The following ANLN variants were observed in gnomAD, a reference collection of about 807,000 sequenced individuals.
ANLN encodes the protein anillin.
Under a neutral mutation model 135.1 loss-of-function variants are expected in ANLN, and 59 were observed. That is an observed-to-expected ratio of 0.44 (90% CI 0.35 to 0.54). The LOEUF (loss-of-function observed/expected upper bound fraction) is 0.54, where lower values mean the gene tolerates loss of function less well. Among genes scored for constraint, ANLN ranks in the 20% least tolerant of loss-of-function variants. The pLI is 0.00. For synonymous variants in ANLN, 406 were observed against 456.4 expected (o/e 0.89, Z 1.41); for missense variants, 1,182 against 1,340.0 (o/e 0.88, Z 1.84).
intron 10 of ANLN, among the ~76,000 whole-genome samples, 195 bp from the exon 11 acceptor site, chr7:36,419,974 G>A (rs968104903): frequency 3.3e-5 from 5 of 151,998 alleles, no homozygotes; most frequent in African/African-American, 1.2e-4. Context: ...TTTTTTTGAA[G>A]TATAAGTTTC....
At chr7:36,428,181 C>A in intron 20 of ANLN, 1 of 318,934 alleles carries the variant, frequency 3.1e-6, no homozygotes, top group Non-Finnish European at 5.8e-6. Context: ...ACTATTAATG[C>A]ATGAATGTGT....
chr7:36,409,333 G>T (rs554762672), intron 5 of ANLN, among the ~76,000 whole-genome samples: 45 of 152,228 alleles, frequency 3.0e-4, no homozygotes, highest in African/African-American at 9.6e-4. Flanking sequence ...AATTATGGCC[G>T]TGGCTCAAAT....
rs367973524 is a variant in ANLN at position 36,399,146 on chromosome 7, T to C, written c.240T>C (p.Ser80=). 26 of 1,614,062 alleles carry C rather than the reference T, an allele frequency of 1.6e-5. No homozygotes were observed. The highest frequency in any genetic ancestry group is 2.1e-5 in the Non-Finnish European group (25 of 1,180,038). Reference sequence around the variant, plus strand: ...CTGACAACACTGAAGTAGAAGTTTCTAACTTGGAAAATAAACAACCAGTTG... The same window carrying C: ...CTGACAACACTGAAGTAGAAGTTTCCAACTTGGAAAATAAACAACCAGTTG... The part of the protein sequence containing the change: ...RCSDNTEVEV[S]NLENKQPVES... Residue 80 remains serine, a synonymous_variant, in exon 3 of 24, where the codon TCT becomes TCC. Transcript: ENST00000265748.
intron 2 of ANLN, among the ~76,000 whole-genome samples, chr7:36,397,804 A>G (rs1786768810): frequency 6.6e-6 from 1 of 152,048 alleles, no homozygotes; most frequent in African/African-American, 2.4e-5. Context: ...CCAGCTACAC[A>G]GGAGGCTGAG....
At position 36,407,976 on chromosome 7, in the gene ANLN, T is replaced by A. The variant is rs1787262350; in HGVS notation, c.1096+20T>A. On this transcript the variant is annotated intron_variant, in intron 5 of 23. Coordinates refer to ENST00000265748, the MANE Select transcript of ANLN (RefSeq NM_018685.5). ...CACCAGGTTACGTATTTATAAAAAA[T>A]TTAGTTATTGCTGATTATATTCAGG... 1.3e-6 allele frequency: 2 copies of A among 1,571,948 alleles called. No homozygotes were observed. The highest frequency in any genetic ancestry group is 1.7e-5 in the Admixed American group (1 of 58,530).
At chr7:36,451,191 C>T (rs1350083975) in intron 23 of ANLN, among the ~76,000 whole-genome samples, 1 of 152,196 alleles carries the variant, frequency 6.6e-6, no homozygotes, top group East Asian at 1.9e-4. Flanking sequence ...GATGTGTTTC[C>T]TTACGGGGCC....
intron 4 of ANLN, 130 bp from the exon 5 acceptor site, chr7:36,407,604 G>A (rs1444595340): frequency 1.1e-5 from 8 of 713,492 alleles, no homozygotes; most frequent in Non-Finnish European, 1.6e-5. Flanking sequence ...ATCTATTAGA[G>A]AGCAAAATCA....
At chr7:36,417,674 CTTTTTTTTTT>C (rs70977138) in intron 9 of ANLN, among the ~76,000 whole-genome samples, 2 of 97,276 alleles carry the variant, frequency 2.1e-5, no homozygotes, top group Admixed American at 1.2e-4. Flanking sequence ...CTCAAACTTC[CTTTTTTTTTT>C]TTTTTTTTTT....
At position 36,449,675 on chromosome 7, in the gene ANLN, G is replaced by A. The variant is rs1409329186; in HGVS notation, c.3089G>A (p.Gly1030Glu). The change falls in exon 23 of 24, where the codon GGA becomes GAA. Residue 1030 changes from glycine (G) to glutamate (E), a missense_variant. Physicochemically the swap from Gly to Glu is moderately conservative, Grantham distance 98 (BLOSUM62 -2). Coordinates refer to ENST00000265748, the MANE Select transcript of ANLN (RefSeq NM_018685.5). ...PDDEKRKNPI[G>E]RINLANCTSR... ...AATTTGTTTTTAAAGAATCCCATAG[G>A]AAGGATAAATCTGGCTAATTGTACC... The A allele has an allele frequency of 6.2e-7, 1 of 1,608,828 alleles. No homozygotes were observed. The highest frequency in any genetic ancestry group is 2.2e-5 in the East Asian group (1 of 44,690).
At chr7:36,416,743 C>T (rs747820308) in intron 8 of ANLN, among the ~76,000 whole-genome samples, 1 of 151,708 alleles carries the variant, frequency 6.6e-6, no homozygotes, top group Non-Finnish European at 1.5e-5. Context: ...GGTAATATTG[C>T]TGTCCCATTT....
chr7:36,442,154 G>A (rs558120820), intron 21 of ANLN, among the ~76,000 whole-genome samples: 1 of 152,354 alleles, frequency 6.6e-6, no homozygotes, highest in South Asian at 2.1e-4. Flanking sequence ...TAGGGTTGGA[G>A]TAAGGACTAG....
intron 20 of ANLN, among the ~76,000 whole-genome samples, chr7:36,434,135 C>A (rs543363625): frequency 2.7e-4 from 41 of 152,004 alleles, no homozygotes; most frequent in Non-Finnish European, 5.3e-4. Context: ...ATAGGTAATA[C>A]CTTGTTCTTT....
chr7:36,399,378 A>C lies in ANLN; in HGVS notation c.472A>C (p.Asn158His), dbSNP rs146231215. 3.1e-6 allele frequency: 5 copies of C among 1,610,164 alleles called. No homozygotes were observed. Among genetic ancestry groups the C allele is most frequent in the Non-Finnish European group, 4.2e-6 (5 of 1,177,914 alleles). Residue 158 changes from asparagine to histidine, a missense_variant, in exon 3 of 24, where the codon AAT becomes CAT. Physicochemically the swap from Asn to His is moderately conservative, Grantham distance 68. Transcript: ENST00000265748. ...TGCAGAGCAACGGCGCCGTTGGGAT[A>C]ATGATGATATGACAGGTATGAATTG... Reference protein sequence around the residue: ...KLAEQRRRWDNDDMTDDIPES... With the variant: ...KLAEQRRRWDHDDMTDDIPES...
At chr7:36,400,651 C>T (rs748401267) in intron 3 of ANLN, among the ~76,000 whole-genome samples, 9 of 152,074 alleles carry the variant, frequency 5.9e-5, no homozygotes, top group Non-Finnish European at 1.2e-4. Context: ...AATGAGCCAC[C>T]GCATCCAGCA....
chr7:36,420,057 A>G (rs1787809655), intron 10 of ANLN, 112 bp from the exon 11 acceptor site: 1 of 1,035,298 alleles, frequency 9.7e-7, no homozygotes, highest in Non-Finnish European at 1.4e-6. Flanking sequence ...TGATGAATCA[A>G]TCAGCTTACT....
chr7:36,434,599 C>T (rs1788453108), intron 20 of ANLN, among the ~76,000 whole-genome samples: 1 of 152,226 alleles, frequency 6.6e-6, no homozygotes, highest in Admixed American at 6.5e-5. Flanking sequence ...CACAGTGGCT[C>T]ATGCCTGTAA....
At chr7:36,417,658 A>G (rs1419438628) in intron 9 of ANLN, among the ~76,000 whole-genome samples, 1 of 147,950 alleles carries the variant, frequency 6.8e-6, no homozygotes, top group Non-Finnish European at 1.5e-5. Context: ...GTGCAAGTCC[A>G]GGCCTCTCAA....
In ANLN at chr7:36,449,785, G is replaced by A; in HGVS notation, c.3199G>A (p.Asp1067Asn). The A allele has an allele frequency of 6.2e-7, 1 of 1,614,076 alleles. No individual in the cohort carries two copies. Among genetic ancestry groups the A allele is most frequent in the Non-Finnish European group, 8.5e-7 (1 of 1,179,960 alleles). ...ELITVRPQRE[D>N]DRETLVSQCR... Reference sequence around the variant, plus strand: ...AATTACTGTCCGACCACAAAGAGAAGATGACCGAGAGACTCTTGTCAGCCA... The same window carrying A: ...AATTACTGTCCGACCACAAAGAGAAAATGACCGAGAGACTCTTGTCAGCCA... Residue 1067 changes from aspartate (D) to asparagine (N), a missense_variant, in exon 23 of 24, where the codon GAT becomes AAT. By Grantham distance (23) the Asp-to-Asn change is conservative (BLOSUM62 1). This residue lies in a region of ANLN where 78 missense variants were observed against 72.7 expected (regional missense o/e 1.07). Coordinates refer to ENST00000265748, the MANE Select transcript of ANLN (RefSeq NM_018685.5).
rs141725604 is a variant in ANLN at position 36,439,561 on chromosome 7, G to T, written c.2970+271G>T. On this transcript the variant is annotated intron_variant, in intron 21 of 23. Transcript: ENST00000265748. Reference sequence around the variant, plus strand: ...TAATACTCTAATAGGAGAAAACAGGGTGCATCGGTGTCAATTGGTGGGACA... The same window carrying T: ...TAATACTCTAATAGGAGAAAACAGGTTGCATCGGTGTCAATTGGTGGGACA... 3.3e-3 allele frequency among the ~76,000 whole-genome samples: 510 copies of T among 152,332 alleles called. 4 individuals carry two copies. Among genetic ancestry groups the T allele is most frequent in the African/African-American group, 0.012 (487 of 41,562 alleles).
Sources: gnomAD v4.1 joint callset for allele counts (sites outside exome capture counted in the v4.1 genomes callset) on GRCh38, gnomAD v4.1.1 for gene constraint, gnomAD v4.1.1 regional missense constraint, MANE v1.5 for transcripts, NCBI Gene and HGNC (gene_info 2026-07-23, HGNC 2026-07-21) for gene names.